NXN: variants seen among roughly 807,000 people sequenced by gnomAD.
NXN encodes the protein nucleoredoxin 1.
In NXN, 16 loss-of-function variants were observed where a neutral mutation model predicts 48.6. That is an observed-to-expected ratio of 0.33 (90% CI 0.22 to 0.50). The LOEUF is 0.50. Ranked by LOEUF, NXN falls within the 20% of genes least tolerant of loss-of-function variation. The pLI, the probability that NXN is intolerant of heterozygous loss-of-function variation, is 0.98. For missense variants in NXN, 492 were observed against 605.5 expected, an observed-to-expected ratio of 0.81 and a Z score of 1.97; for synonymous variants, 281 against 269.6, an observed-to-expected ratio of 1.04 and a Z score of -0.41.
intron 1 of NXN, among the ~76,000 whole-genome samples, chr17:931,757 C>A (rs908226487): frequency 1.3e-5 from 2 of 149,630 alleles, no homozygotes; most frequent in African/African-American, 2.5e-5. Flanking sequence ...ATAGCATGAA[C>A]CCGGGAGGCG....
intron 5 of NXN, among the ~76,000 whole-genome samples, chr17:806,054 C>CG (rs985819861): frequency 6.6e-6 from 1 of 151,620 alleles, no homozygotes; most frequent in Admixed American, 6.6e-5. Context: ...CCAGTGCCGC[C>CG]GGGGGGAACC....
chr17:830,927 G>A lies in NXN; in HGVS notation c.361-4849C>T, dbSNP rs1361942819. Among the ~76,000 whole-genome samples the A allele has an allele frequency of 6.6e-6, 1 of 151,474 alleles. No individual in the cohort carries two copies. The highest frequency in any genetic ancestry group is 1.5e-5 in the Non-Finnish European group (1 of 67,964). ...AGGCAGGAGAATCACTTGAACCCGG[G>A]AGGCGGAGGTTGCTGTGAGCCGAGA... is the stretch of plus-strand genomic sequence containing the variant. On this transcript the variant is annotated intron_variant, in intron 1 of 7. Coordinates refer to ENST00000336868, the MANE Select transcript of NXN (RefSeq NM_022463.5). The surrounding 1 kb of genome is among the most constrained non-coding windows in gnomAD (Gnocchi z 4.2).
At chr17:931,834 CAAAA>C (rs34072582) in intron 1 of NXN, among the ~76,000 whole-genome samples, 11 of 88,416 alleles carry the variant, frequency 1.2e-4, no homozygotes, top group African/African-American at 6.3e-4. Flanking sequence ...GACTCCGTCT[CAAAA>C]AAAAAAAAAA....
intron 1 of NXN, among the ~76,000 whole-genome samples, chr17:856,109 C>G (rs984743000): frequency 2.4e-4 from 36 of 152,034 alleles, no homozygotes; most frequent in African/African-American, 8.5e-4. Context: ...AGGAGAATCG[C>G]TTGAACCCGG....
intron 1 of NXN, among the ~76,000 whole-genome samples, chr17:884,309 G>A (rs570453531): frequency 6.6e-6 from 1 of 152,240 alleles, no homozygotes; most frequent in African/African-American, 2.4e-5. Flanking sequence ...GGGGGCTGAG[G>A]TGGGAGGATC....
intron 1 of NXN, among the ~76,000 whole-genome samples, chr17:931,766 C>A (rs1420341454): frequency 2.1e-5 from 3 of 139,844 alleles, no homozygotes; most frequent in Non-Finnish European, 3.0e-5. Flanking sequence ...ACCCGGGAGG[C>A]GGAGCTTGCA....
intron 1 of NXN, among the ~76,000 whole-genome samples, chr17:880,679 C>T (rs527886782): frequency 3.5e-4 from 54 of 152,258 alleles, no homozygotes; most frequent in African/African-American, 1.3e-3. Context: ...TGAGCTAATG[C>T]ATCCAAGGAC....
intron 1 of NXN, among the ~76,000 whole-genome samples, chr17:850,734 C>T (rs917194284): frequency 6.6e-6 from 1 of 152,156 alleles, no homozygotes; most frequent in Admixed American, 6.5e-5. Context: ...AGCACACTCC[C>T]GAGGTAGAAT....
At chr17:810,827 T>C (rs1176476209) in intron 5 of NXN, among the ~76,000 whole-genome samples, 2 of 151,830 alleles carry the variant, frequency 1.3e-5, no homozygotes, top group Non-Finnish European at 2.9e-5. Context: ...AGGCAGAGCT[T>C]GCAGTGAGCG....
chr17:938,368 G>A (rs1182394622), intron 1 of NXN, among the ~76,000 whole-genome samples: 14 of 152,216 alleles, frequency 9.2e-5, no homozygotes, highest in Admixed American at 7.9e-4. Flanking sequence ...CAGCTAGTGC[G>A]AAGGCCGAGC....
intron 1 of NXN, among the ~76,000 whole-genome samples, chr17:846,423 A>G (rs1237252015): frequency 1.3e-5 from 2 of 149,690 alleles, no homozygotes; most frequent in East Asian, 2.1e-4. Flanking sequence ...CAAAAAAAAA[A>G]AAAAAAAAGA....
chr17:881,626 C>T (rs774156493), intron 1 of NXN, among the ~76,000 whole-genome samples: 2 of 152,178 alleles, frequency 1.3e-5, no homozygotes, highest in Non-Finnish European at 2.9e-5. Context: ...GATTCCTACT[C>T]ATCAGTATTT....
intron 1 of NXN, among the ~76,000 whole-genome samples, chr17:965,089 C>T (rs1011948646): frequency 1.3e-5 from 2 of 152,126 alleles, no homozygotes; most frequent in Non-Finnish European, 2.9e-5. Context: ...GACTATTGGG[C>T]GTATCTAGCC....
intron 4 of NXN, among the ~76,000 whole-genome samples, chr17:821,806 C>T (rs539092122): frequency 7.9e-5 from 12 of 152,200 alleles, no homozygotes; most frequent in African/African-American, 2.6e-4. Flanking sequence ...TGATTACATT[C>T]GTCTCTGGCT....
chr17:918,699 A>G lies in NXN; in HGVS notation c.360+60620T>C, dbSNP rs1469218008. ...TCCCAGCTACTCAGGAGGCTGAGGC[A>G]CGAGAATCGCTTGCACCCGGGAGGC... On this transcript the variant is annotated intron_variant, in intron 1 of 7. Coordinates refer to ENST00000336868, the MANE Select transcript of NXN (RefSeq NM_022463.5). Among the ~76,000 whole-genome samples, 13 of 149,880 alleles carry G rather than the reference A, an allele frequency of 8.7e-5. No homozygotes were observed. In the Admixed American group the frequency reaches 8.7e-4, roughly 10 times the overall value.
At chr17:973,025 C>T (rs1206856961) in intron 1 of NXN, among the ~76,000 whole-genome samples, 21 of 146,174 alleles carry the variant, frequency 1.4e-4, no homozygotes, top group East Asian at 2.1e-4. Flanking sequence ...AGCGAGACTG[C>T]GTCTCAAAAA....
chr17:858,872 T>C (rs2068014088), intron 1 of NXN, among the ~76,000 whole-genome samples: 1 of 152,194 alleles, frequency 6.6e-6, no homozygotes, highest in Non-Finnish European at 1.5e-5. Context: ...CTTCCCTCAC[T>C]CTGTTAATTT....
chr17:916,117 T>C (rs978718697), intron 1 of NXN, among the ~76,000 whole-genome samples: 1 of 152,230 alleles, frequency 6.6e-6, no homozygotes, highest in African/African-American at 2.4e-5. Context: ...ATGATTGTAT[T>C]TGAATTGCTT....
chr17:893,113 T>G (rs1244707982), intron 1 of NXN, among the ~76,000 whole-genome samples: 1 of 152,264 alleles, frequency 6.6e-6, no homozygotes, highest in Non-Finnish European at 1.5e-5. Context: ...GCAAAGCTGT[T>G]CCACTTGGCA....
Sources: gnomAD v4.1 joint callset for allele counts (sites outside exome capture counted in the v4.1 genomes callset) on GRCh38, gnomAD v4.1.1 for gene constraint, Gnocchi (gnomAD v3.1) non-coding constraint, MANE v1.5 for transcripts, NCBI Gene and HGNC (gene_info 2026-07-23, HGNC 2026-07-21) for gene names.